CTNND2: variants seen among roughly 807,000 people sequenced by gnomAD.
The protein encoded by CTNND2 is catenin delta 2.
CTNND2 carries 22 observed loss-of-function variants against 144.4 expected under a neutral mutation model. The ratio of observed to expected loss-of-function variants is 0.15; its 90% CI spans 0.11 to 0.22. The LOEUF is 0.22. CTNND2 is among the 10% of genes least tolerant of loss of function. The probability of loss-of-function intolerance (pLI) is 1.00; values close to 1 mark genes in which losing one functional copy is unlikely to be tolerated. For missense variants in CTNND2, 1,353 were observed against 1,618.8 expected, an observed-to-expected ratio of 0.84 and a Z score of 2.82; for synonymous variants, 751 against 695.6, an observed-to-expected ratio of 1.08 and a Z score of -1.25.
chr5:11,359,674 T>C (rs975516607), intron 8 of CTNND2, among the ~76,000 whole-genome samples: 2 of 152,178 alleles, frequency 1.3e-5, no homozygotes, highest in Middle Eastern at 3.2e-3. Context: ...TGTCTCTCTA[T>C]TCAAAGCCTG....
At chr5:11,201,753 C>T (rs1737465900) in intron 10 of CTNND2, among the ~76,000 whole-genome samples, 1 of 152,088 alleles carries the variant, frequency 6.6e-6, no homozygotes, top group Non-Finnish European at 1.5e-5. Context: ...GTGGTCACAG[C>T]ACCTGGGTAA....
intron 18 of CTNND2, among the ~76,000 whole-genome samples, chr5:11,012,146 G>A (rs545774992): frequency 6.6e-6 from 1 of 152,206 alleles, no homozygotes; most frequent in South Asian, 2.1e-4. Flanking sequence ...ATTTTACAAA[G>A]CACTGTGATG....
At chr5:11,023,825 A>G (rs1742539608) in intron 16 of CTNND2, among the ~76,000 whole-genome samples, 1 of 152,210 alleles carries the variant, frequency 6.6e-6, no homozygotes, top group Admixed American at 6.5e-5. Flanking sequence ...TTTACAAAGC[A>G]CTTTAGGCAT....
intron 1 of CTNND2, among the ~76,000 whole-genome samples, chr5:11,878,865 A>T (rs1735764101): frequency 6.6e-6 from 1 of 152,190 alleles, no homozygotes. Flanking sequence ...TGGGGAAGGG[A>T]GATGGGGCCT....
At chr5:11,194,532 C>T (rs1236628722) in intron 11 of CTNND2, among the ~76,000 whole-genome samples, 1 of 152,136 alleles carries the variant, frequency 6.6e-6, no homozygotes. Context: ...TACAACAGTT[C>T]CCTCCCACCC....
chr5:11,162,946 C>T (rs1198406537), intron 11 of CTNND2, among the ~76,000 whole-genome samples: 1 of 151,782 alleles, frequency 6.6e-6, no homozygotes, highest in Admixed American at 6.6e-5. Flanking sequence ...TCTTGACTGA[C>T]GGAAGAGAGA....
chr5:11,295,071 A>G (rs1473090089), intron 9 of CTNND2, among the ~76,000 whole-genome samples: 1 of 152,190 alleles, frequency 6.6e-6, no homozygotes, highest in Non-Finnish European at 1.5e-5. Flanking sequence ...ATGACTATAT[A>G]TCTAGAAAAC....
intron 3 of CTNND2, among the ~76,000 whole-genome samples, chr5:11,504,735 G>A (rs184763823): frequency 1.3e-5 from 2 of 152,280 alleles, no homozygotes; most frequent in Admixed American, 1.3e-4. Flanking sequence ...TTCCTTGAGA[G>A]GCTCCACAGG....
At chr5:11,121,033 T>C (rs1051361558) in intron 12 of CTNND2, among the ~76,000 whole-genome samples, 1 of 152,034 alleles carries the variant, frequency 6.6e-6, no homozygotes, top group African/African-American at 2.4e-5. Context: ...CTTTTTATTG[T>C]TGTTGGTTAA....
chr5:11,057,387 CG>C (rs1746447982), intron 16 of CTNND2, among the ~76,000 whole-genome samples: 6 of 152,094 alleles, frequency 3.9e-5, no homozygotes, highest in Non-Finnish European at 5.9e-5. Context: ...GCTGTTCTCA[CG>C]ACAGTGAATA....
chr5:11,390,754 G>A (rs1394093392), intron 6 of CTNND2, among the ~76,000 whole-genome samples: 1 of 152,234 alleles, frequency 6.6e-6, no homozygotes, highest in Non-Finnish European at 1.5e-5. Context: ...GCTTCCCTGA[G>A]TCCAGCTTAA....
At chr5:11,364,647 G>A (rs765021104) in intron 8 of CTNND2, 49 bp downstream of exon 8, 2 of 1,496,416 alleles carry the variant, frequency 1.3e-6, no homozygotes, top group Admixed American at 4.8e-5. Flanking sequence ...CTCCCGCGCA[G>A]AGCCCACCCC....
chr5:11,357,651 T>A (rs559340501), intron 8 of CTNND2, among the ~76,000 whole-genome samples: 2 of 152,216 alleles, frequency 1.3e-5, no homozygotes, highest in Admixed American at 1.3e-4. Context: ...AGTAAAATAT[T>A]GTATATTACA....
chr5:11,292,628 C>CT (rs1282404363), intron 9 of CTNND2, among the ~76,000 whole-genome samples: 1 of 152,190 alleles, frequency 6.6e-6, no homozygotes, highest in African/African-American at 2.4e-5. Context: ...GACGTACTGG[C>CT]TTCCCTTTCT....
chr5:11,120,284 A>G (rs150304979), intron 12 of CTNND2, among the ~76,000 whole-genome samples: 3,121 of 148,780 alleles, frequency 0.021, 50 homozygotes, highest in South Asian at 0.13. Context: ...GGCTCAGTAT[A>G]CATATAGACT....
At chr5:11,471,564 C>T (rs1348981138) in intron 3 of CTNND2, among the ~76,000 whole-genome samples, 1 of 152,150 alleles carries the variant, frequency 6.6e-6, no homozygotes, top group African/African-American at 2.4e-5. Flanking sequence ...TATTTACCAA[C>T]AGTAAATGCT....
At chr5:11,300,325 C>T (rs1160262597) in intron 9 of CTNND2, among the ~76,000 whole-genome samples, 2 of 152,202 alleles carry the variant, frequency 1.3e-5, no homozygotes, top group Non-Finnish European at 2.9e-5. Context: ...GGGAACTTCA[C>T]AGCCTGGAAG....
intron 16 of CTNND2, among the ~76,000 whole-genome samples, chr5:11,062,711 G>T (rs191455277): frequency 7.9e-5 from 12 of 152,354 alleles, no homozygotes; most frequent in African/African-American, 2.6e-4. Context: ...CCGCGTAAAG[G>T]CTTGCCAGGG....
chr5:11,575,078 C>T (rs942110404), intron 2 of CTNND2, among the ~76,000 whole-genome samples: 2 of 152,158 alleles, frequency 1.3e-5, no homozygotes, highest in African/African-American at 2.4e-5. Context: ...TCTGACCTCA[C>T]CCTCAATCTC....
Sources: gnomAD v4.1 joint callset for allele counts (sites outside exome capture counted in the v4.1 genomes callset) on GRCh38, gnomAD v4.1.1 for gene constraint, MANE v1.5 for transcripts, NCBI Gene and HGNC (gene_info 2026-07-23, HGNC 2026-07-21) for gene names.